Variants in DPP10 observed in about 807,000 individuals in gnomAD.
The protein encoded by DPP10 is dipeptidyl peptidase like 10, also known as inactive dipeptidyl peptidase 10.
In DPP10, 33 loss-of-function variants were observed where a neutral mutation model predicts 120.9. That is an observed-to-expected ratio of 0.27 (90% CI 0.21 to 0.37). The LOEUF (loss-of-function observed/expected upper bound fraction) is 0.37. Ranked by LOEUF, DPP10 falls within the 10% of genes least tolerant of loss-of-function variation. DPP10 has a pLI of 1.00. For synonymous variants in DPP10, 337 were observed against 326.1 expected (o/e 1.03, Z -0.36); for missense variants, 816 against 942.8 (o/e 0.87, Z 1.76).
chr2:114,863,332 G>A (rs1689972051), intron 1 of DPP10, among the ~76,000 whole-genome samples: 1 of 152,148 alleles, frequency 6.6e-6, no homozygotes, highest in African/African-American at 2.4e-5. Context: ...ACATTTCTAG[G>A]AATCCCTTTC....
At chr2:115,828,136 T>C (rs1243514066) in intron 21 of DPP10, among the ~76,000 whole-genome samples, 1 of 152,114 alleles carries the variant, frequency 6.6e-6, no homozygotes, top group Non-Finnish European at 1.5e-5. Flanking sequence ...TTAAATATTT[T>C]ATTATTTTCT....
intron 3 of DPP10, among the ~76,000 whole-genome samples, chr2:115,451,487 T>A (rs2073104032): frequency 6.6e-6 from 1 of 151,886 alleles, no homozygotes; most frequent in South Asian, 2.1e-4. Context: ...AGCTCCTTTA[T>A]GTGATGAAAT....
At chr2:114,676,185 A>G (rs1467228229) in intron 1 of DPP10, among the ~76,000 whole-genome samples, 1 of 152,194 alleles carries the variant, frequency 6.6e-6, no homozygotes, top group Non-Finnish European at 1.5e-5. Flanking sequence ...TGACTGTAAT[A>G]TAAGTTATTC....
chr2:115,496,343 A>G (rs1181656780), intron 3 of DPP10, among the ~76,000 whole-genome samples: 1 of 152,134 alleles, frequency 6.6e-6, no homozygotes, highest in African/African-American at 2.4e-5. Context: ...TAAAATTTGC[A>G]GGAGTGTAGA....
chr2:115,058,029 TC>T (rs1430794405), intron 1 of DPP10, among the ~76,000 whole-genome samples: 1 of 152,208 alleles, frequency 6.6e-6, no homozygotes, highest in Non-Finnish European at 1.5e-5. Flanking sequence ...TCTGCTGCGT[TC>T]GCACTGGGGC....
chr2:115,601,090 A>G (rs1434188250), intron 5 of DPP10, among the ~76,000 whole-genome samples: 1 of 152,198 alleles, frequency 6.6e-6, no homozygotes, highest in Admixed American at 6.5e-5. Context: ...TAGAATCATT[A>G]TTCAGTTTTG....
chr2:115,619,987 C>A (rs1298373696), intron 5 of DPP10, among the ~76,000 whole-genome samples: 1 of 152,138 alleles, frequency 6.6e-6, no homozygotes, highest in Admixed American at 6.5e-5. Flanking sequence ...GTTTTGCCCT[C>A]AAAATAAAGT....
chr2:114,451,685 G>A (rs990619335), intron 1 of DPP10, among the ~76,000 whole-genome samples: 3 of 152,116 alleles, frequency 2.0e-5, no homozygotes, highest in Non-Finnish European at 2.9e-5. Context: ...CATACATGGA[G>A]CTGGACTTTG....
At chr2:114,495,159 T>C (rs1477439103) in intron 1 of DPP10, among the ~76,000 whole-genome samples, 2 of 152,202 alleles carry the variant, frequency 1.3e-5, no homozygotes, top group Non-Finnish European at 2.9e-5. Context: ...GGCTATTACA[T>C]GTATGTCTTT....
intron 1 of DPP10, among the ~76,000 whole-genome samples, chr2:114,492,327 C>A (rs1417940127): frequency 6.6e-6 from 1 of 151,788 alleles, no homozygotes; most frequent in Non-Finnish European, 1.5e-5. Context: ...TGTTAAAAGC[C>A]CCTAGTGAAG....
intron 5 of DPP10, among the ~76,000 whole-genome samples, chr2:115,669,668 A>G (rs539084503): frequency 6.6e-6 from 1 of 152,222 alleles, no homozygotes; most frequent in South Asian, 2.1e-4. Context: ...TTTCCAGATG[A>G]AAGTGCAGCC....
At chr2:115,159,283 C>T (rs965868687) in intron 1 of DPP10, among the ~76,000 whole-genome samples, 16 of 152,180 alleles carry the variant, frequency 1.1e-4, no homozygotes, top group African/African-American at 3.4e-4. Context: ...ACGGTGAAAC[C>T]CCGTCTCCAC....
At chr2:115,655,980 G>A (rs961587234) in intron 5 of DPP10, among the ~76,000 whole-genome samples, 1 of 151,246 alleles carries the variant, frequency 6.6e-6, no homozygotes, top group East Asian at 1.9e-4. Context: ...AGGAGAAAAT[G>A]GAAAATTATT....
chr2:115,389,659 A>G (rs1007411574), intron 3 of DPP10, among the ~76,000 whole-genome samples: 1 of 152,198 alleles, frequency 6.6e-6, no homozygotes, highest in Non-Finnish European at 1.5e-5. Context: ...AGTAATGCCC[A>G]TGAATTATAA....
intron 11 of DPP10, among the ~76,000 whole-genome samples, chr2:115,754,182 T>C (rs1227283014): frequency 4.6e-5 from 7 of 152,184 alleles, no homozygotes; most frequent in African/African-American, 1.4e-4. Context: ...AAAAAGATTT[T>C]TGTGATCTAA....
intron 1 of DPP10, among the ~76,000 whole-genome samples, chr2:115,153,723 AAACTTT>A (rs2051715320): frequency 6.6e-6 from 1 of 152,174 alleles, no homozygotes; most frequent in Non-Finnish European, 1.5e-5. Flanking sequence ...TTTTGAGCAT[AAACTTT>A]ATTTTTCCCT....
intron 1 of DPP10, among the ~76,000 whole-genome samples, chr2:114,954,668 G>C (rs557220404): frequency 6.6e-6 from 1 of 151,948 alleles, no homozygotes; most frequent in Non-Finnish European, 1.5e-5. Context: ...ATGAAACTAA[G>C]TGTTTGTTGT....
At chr2:115,239,524 G>A (rs1380934595) in intron 1 of DPP10, among the ~76,000 whole-genome samples, 2 of 152,146 alleles carry the variant, frequency 1.3e-5, no homozygotes, top group African/African-American at 2.4e-5. Context: ...TGGCAATAAA[G>A]TGTTTTCTAA....
In DPP10 at chr2:114,457,047, G is replaced by A. The variant is rs1400436112; in HGVS notation, c.60+14209G>A. On this transcript the variant is annotated intron_variant, in intron 1 of 25. Coordinates refer to ENST00000410059, the MANE Select transcript of DPP10 (RefSeq NM_020868.6). ...TGAGAAGTTTCGAGAAAGAGTTTGA[G>A]TTGAGTTTGTGGAATAGATTAAGAG... is the stretch of plus-strand genomic sequence containing the variant. 2.0e-5 allele frequency among the ~76,000 whole-genome samples: 3 copies of A among 152,196 alleles called. No individual in the cohort carries two copies. The East Asian group carries it at 5.8e-4, about 29-fold the overall frequency.
Sources: allele counts gnomAD v4.1 joint callset (sites outside exome capture counted in the v4.1 genomes callset), GRCh38; gene constraint gnomAD v4.1.1; transcripts MANE v1.5; gene names NCBI Gene and HGNC (gene_info 2026-07-23, HGNC 2026-07-21).